The following SHANK2 variants were observed in gnomAD, a reference collection of about 807,000 sequenced individuals.
SHANK2 encodes SH3 and multiple ankyrin repeat domains 2, also known as SH3 and multiple ankyrin repeat domains protein 2.
Under a neutral mutation model 133.7 loss-of-function variants are expected in SHANK2, and 43 were observed. The observed-to-expected ratio is 0.32, with a 90% CI of 0.25 to 0.41. SHANK2 has a LOEUF of 0.41. SHANK2 is among the 10% of genes least tolerant of loss of function. The pLI is 1.00. For missense variants in SHANK2, 1,994 were observed against 2,235.8 expected (o/e 0.89, Z 2.18); for synonymous variants, 1,017 against 952.8 (o/e 1.07, Z -1.24).
chr11:70,851,541 C>T (rs1331864928), intron 11 of SHANK2, among the ~76,000 whole-genome samples: 6 of 152,210 alleles, frequency 3.9e-5, no homozygotes, highest in Admixed American at 6.5e-5. Context: ...GTGAGGCAGC[C>T]GCCTTGGACT....
At chr11:70,797,941 G>A (rs1947953458) in intron 14 of SHANK2, among the ~76,000 whole-genome samples, 1 of 151,356 alleles carries the variant, frequency 6.6e-6, no homozygotes, top group Non-Finnish European at 1.5e-5. Flanking sequence ...AATCAATTTT[G>A]AAACGATTTT....
At chr11:70,676,828 A>G (rs1281) in intron 15 of SHANK2, among the ~76,000 whole-genome samples, 86,010 of 151,884 alleles carry the variant, frequency 0.57, 25,011 homozygotes, top group Non-Finnish European at 0.65. Context: ...CATGAGCCCC[A>G]GTGACACAGA....
chr11:70,554,833 A>ATTT (rs34927941), intron 17 of SHANK2, among the ~76,000 whole-genome samples: 3 of 114,882 alleles, frequency 2.6e-5, no homozygotes, highest in Non-Finnish European at 1.8e-5. Flanking sequence ...CACTATCTCC[A>ATTT]TTTTTTTTTT....
chr11:71,090,387 C>CGTGTGT (rs1951489465), intron 8 of SHANK2, among the ~76,000 whole-genome samples: 44 of 8,222 alleles, frequency 5.4e-3, no homozygotes, highest in African/African-American at 0.017. Context: ...TGTGTGTGTC[C>CGTGTGT]CCTGCTGCTT....
chr11:70,846,940 G>A (rs1252035874), intron 11 of SHANK2, among the ~76,000 whole-genome samples: 2 of 152,210 alleles, frequency 1.3e-5, no homozygotes, highest in Non-Finnish European at 2.9e-5. Flanking sequence ...GAGTTTCTCT[G>A]TGCTCATAAA....
chr11:71,146,537 G>A (rs782733319), intron 3 of SHANK2, among the ~76,000 whole-genome samples: 5 of 152,220 alleles, frequency 3.3e-5, no homozygotes, highest in South Asian at 4.1e-4. Context: ...CACAGCCAGC[G>A]TGGGCCAGGG....
chr11:70,850,449 G>T (rs1353198456), intron 11 of SHANK2, among the ~76,000 whole-genome samples: 3 of 152,184 alleles, frequency 2.0e-5, no homozygotes, highest in African/African-American at 7.2e-5. Flanking sequence ...GGGTGGTGTG[G>T]TTTACCAGCT....
At chr11:71,099,165 T>A (rs1045706876) in intron 6 of SHANK2, among the ~76,000 whole-genome samples, 8 of 151,932 alleles carry the variant, frequency 5.3e-5, no homozygotes, top group Non-Finnish European at 1.0e-4. Flanking sequence ...AGGGAGAGCC[T>A]GGGAAACAAT....
Position 70,671,552 on chromosome 11 carries a change from A to T in SHANK2, c.1854-9874T>A, listed in dbSNP as rs186585853. 3.8e-4 allele frequency among the ~76,000 whole-genome samples: 58 copies of T among 152,378 alleles called. 1 individual carries two copies. Among genetic ancestry groups the T allele is most frequent in the African/African-American group, 1.3e-3 (54 of 41,590 alleles). On this transcript the variant is annotated intron_variant, in intron 15 of 25. Coordinates refer to ENST00000601538, the MANE Select transcript of SHANK2 (RefSeq NM_012309.5). ...GAGAATGCACCTTAGAACTTGCTTC[A>T]TTCTGGAGACCTTATGCATAAACAG...
intron 2 of SHANK2, among the ~76,000 whole-genome samples, chr11:71,190,782 T>C (rs1178417860): frequency 8.5e-5 from 13 of 152,214 alleles, no homozygotes; most frequent in Non-Finnish European, 4.4e-5. Flanking sequence ...CACCCTGGGC[T>C]GCGTGGCCTG....
chr11:71,078,211 A>C (rs961043881), intron 8 of SHANK2, among the ~76,000 whole-genome samples: 142 of 151,802 alleles, frequency 9.4e-4, no homozygotes, highest in Non-Finnish European at 1.8e-3. Flanking sequence ...TGTCCCAAGG[A>C]CACAGGAGCC....
At chr11:71,194,887 A>G (rs1953869012) in intron 2 of SHANK2, among the ~76,000 whole-genome samples, 1 of 152,214 alleles carries the variant, frequency 6.6e-6, no homozygotes, top group South Asian at 2.1e-4. Context: ...TCCCAGCGCT[A>G]CATCCACCCC....
intron 12 of SHANK2, among the ~76,000 whole-genome samples, chr11:70,816,487 A>C (rs1555054397): frequency 6.6e-6 from 1 of 152,182 alleles, no homozygotes; most frequent in Non-Finnish European, 1.5e-5. Context: ...AACCAGAAAG[A>C]GCTCTGGGTC....
chr11:71,086,296 G>A (rs1329252848), intron 8 of SHANK2, among the ~76,000 whole-genome samples: 2 of 34,072 alleles, frequency 5.9e-5, no homozygotes, highest in South Asian at 8.5e-4. Context: ...TGTTATATAA[G>A]ATGTTATATA....
chr11:70,883,317 C>T (rs989427828), intron 11 of SHANK2, among the ~76,000 whole-genome samples: 12 of 152,166 alleles, frequency 7.9e-5, no homozygotes, highest in Non-Finnish European at 1.5e-4. Context: ...GACTCTATGC[C>T]CCATTGGGAT....
intron 10 of SHANK2, among the ~76,000 whole-genome samples, chr11:70,935,674 G>A (rs547400381): frequency 1.4e-4 from 21 of 152,068 alleles, no homozygotes; most frequent in Middle Eastern, 3.4e-3. Context: ...ACCATGTGCC[G>A]GGCCCCGAGT....
intron 11 of SHANK2, chr11:70,895,662 C>T (rs185977451): frequency 2.6e-5 from 4 of 152,522 alleles, no homozygotes; most frequent in African/African-American, 9.7e-5. Flanking sequence ...TCTCTCTCCA[C>T]CCTCATCGGG....
At chr11:70,576,852 C>T (rs1181547249) in intron 17 of SHANK2, among the ~76,000 whole-genome samples, 2 of 152,230 alleles carry the variant, frequency 1.3e-5, no homozygotes, top group Admixed American at 6.5e-5. Flanking sequence ...GGCAGTAGTG[C>T]TGCCAACTCT....
At chr11:71,249,696 C>G (rs1449329576) in intron 1 of SHANK2, among the ~76,000 whole-genome samples, 1 of 152,118 alleles carries the variant, frequency 6.6e-6, no homozygotes, top group Non-Finnish European at 1.5e-5. Context: ...ACGGGGATCC[C>G]AGAACTCTCT....
Sources: allele counts gnomAD v4.1 joint callset (sites outside exome capture counted in the v4.1 genomes callset), GRCh38; gene constraint gnomAD v4.1.1; transcripts MANE v1.5; gene names NCBI Gene and HGNC (gene_info 2026-07-23, HGNC 2026-07-21).